RESF1: variants seen among roughly 807,000 people sequenced by gnomAD.
RESF1 encodes gonad expressed transcript.
A neutral mutation model predicts 134.7 loss-of-function variants in RESF1; 65 were observed. The observed-to-expected ratio is 0.48, with a 90% CI of 0.40 to 0.59. The LOEUF (loss-of-function observed/expected upper bound fraction) is 0.59, where lower values mean the gene tolerates loss of function less well. RESF1 is among the 20% of genes least tolerant of loss of function. The pLI is 0.00. For missense variants in RESF1, 2,274 were observed against 2,002.7 expected, an observed-to-expected ratio of 1.14 and a Z score of -2.59; for synonymous variants, 762 against 702.2, an observed-to-expected ratio of 1.09 and a Z score of -1.35.
intron 3 of RESF1, among the ~76,000 whole-genome samples, chr12:31,972,601 G>A (rs557796372): frequency 1.3e-4 from 12 of 90,488 alleles, no homozygotes; most frequent in Non-Finnish European, 1.5e-4. Flanking sequence ...GTGAGACTCC[G>A]TCTCAAAAAA....
rs1939249773 is a variant in RESF1, at chr12:31,960,879, T to C, written c.-247+8T>C. The C allele has an allele frequency of 6.6e-6, 1 of 152,224 alleles. No homozygotes were observed. Among genetic ancestry groups the C allele is most frequent in the South Asian group, 2.1e-4 (1 of 4,836 alleles). 9.4% of individuals were successfully genotyped at this position (152,224 alleles called of 1,614,324 possible). A position where few individuals can be genotyped will look rare whatever the true frequency, so the allele number is the denominator to read the frequency against. The stretch of plus-strand genomic sequence containing the variant: ...GTAAAGTTGTGCTCAACGGTAAGTG[T>C]ATCACCTCTAAGAAACCCGCCCTGA... On this transcript the variant is annotated splice_region_variant and intron_variant, in intron 2 of 5. Coordinates refer to ENST00000312561, the MANE Select transcript of RESF1 (RefSeq NM_018169.4).
intron 5 of RESF1, 100 bp downstream of exon 5, chr12:31,987,422 A>G (rs1389559192): frequency 1.8e-5 from 12 of 675,452 alleles, no homozygotes; most frequent in Non-Finnish European, 2.7e-5. Context: ...GATTTTATCC[A>G]TGTTCTTTTT....
At position 31,983,787 on chromosome 12, in the gene RESF1, T is replaced by C. The variant is rs761317600; in HGVS notation, c.2832T>C (p.Asp944=). Residue 944 remains aspartate (D), a synonymous_variant, in exon 4 of 6, where the codon GAT becomes GAC. Coordinates refer to ENST00000312561, the MANE Select transcript of RESF1 (RefSeq NM_018169.4). ...GCAGAGAACCAGAAAAACAATTAGATAATACCACTGAAAATAAAGACTTTG... is the reference window on the plus strand; with the variant it reads ...GCAGAGAACCAGAAAAACAATTAGACAATACCACTGAAAATAAAGACTTTG... ...IGSREPEKQL[D]NTTENKDFGF... 5.6e-6 allele frequency: 9 copies of C among 1,613,038 alleles called. No individual in the cohort carries two copies. The highest frequency in any genetic ancestry group is 1.7e-5 in the Admixed American group (1 of 59,872).
intron 4 of RESF1, 136 bp from the exon 5 acceptor site, chr12:31,987,103 T>G: frequency 3.5e-6 from 2 of 578,006 alleles, no homozygotes; most frequent in Non-Finnish European, 6.2e-6. Flanking sequence ...CCAGTCCTTT[T>G]TTTAGAGTTG....
rs546008373 is a variant in RESF1, at chr12:31,985,600, T to C, written c.4645T>C (p.Trp1549Arg). The stretch of plus-strand genomic sequence containing the variant: ...TGGTGGGAAGCAGCCTGATAAAATA[T>C]GGATTGATAAGACTAAATTAGACAA... ...KVGGKQPDKI[W>R]IDKTKLDKLT... Residue 1549 changes from tryptophan to arginine, a missense_variant, in exon 4 of 6, where the codon TGG becomes CGG. Physicochemically the swap from Trp to Arg is moderately radical, Grantham distance 101. Transcript: ENST00000312561. The C allele has an allele frequency of 3.1e-6, 5 of 1,602,410 alleles. No individual in the cohort carries two copies. The highest frequency in any genetic ancestry group is 3.4e-6 in the Non-Finnish European group (4 of 1,177,226).
chr12:31,973,879 A>G (rs891427462), intron 3 of RESF1, among the ~76,000 whole-genome samples: 12 of 152,078 alleles, frequency 7.9e-5, no homozygotes, highest in African/African-American at 2.9e-4. Flanking sequence ...GGTGTCCTAC[A>G]ATTCAATTAC....
In RESF1 at chr12:31,983,163, A is replaced by T. The variant is rs769274490; in HGVS notation, c.2208A>T (p.Thr736=). 4 of 1,611,546 alleles carry T rather than the reference A, an allele frequency of 2.5e-6. No homozygotes were observed. The Admixed American group carries it at 6.7e-5, about 27-fold the overall frequency. Residue 736 remains threonine, a synonymous_variant, in exon 4 of 6, where the codon ACA becomes ACT. Coordinates refer to ENST00000312561, the MANE Select transcript of RESF1 (RefSeq NM_018169.4). ...QNKISNPSQQ[T]ALSMVMHNYE... ...AAATAAGTAATCCCTCACAGCAGAC[A>T]GCTTTGTCGATGGTAATGCACAATT...
At position 31,985,544 on chromosome 12, in the gene RESF1, A is replaced by G; in HGVS notation, c.4589A>G (p.Tyr1530Cys). 1 of 1,598,264 alleles carries G rather than the reference A, an allele frequency of 6.3e-7. No homozygotes were observed. The highest frequency in any genetic ancestry group is 8.5e-7 in the Non-Finnish European group (1 of 1,175,528). The stretch of plus-strand genomic sequence containing the variant: ...CACCATTCTCAGGAGTCTAAAACAT[A>G]CAACATTCTAAGGAATGTTAAAGAA... Reference protein sequence around the residue: ...KIHHSQESKTYNILRNVKEKV... With the variant: ...KIHHSQESKTCNILRNVKEKV... The change falls in exon 4 of 6, where the codon TAC (tyrosine) becomes TGC (cysteine). Residue 1530 changes from tyrosine (Y) to cysteine (C), a missense_variant. Physicochemically the swap from Tyr to Cys is radical, Grantham distance 194 (BLOSUM62 -2). Transcript: ENST00000312561.
chr12:31,981,392 TACCCAATATGC>T lies in RESF1; in HGVS notation c.438_448del (p.Pro147GlyfsTer22). 1 of 1,614,056 alleles carries T rather than the reference TACCCAATATGC, an allele frequency of 6.2e-7. No homozygotes were observed. Among genetic ancestry groups the T allele is most frequent in the Non-Finnish European group, 8.5e-7 (1 of 1,179,934 alleles). On this transcript the variant is annotated frameshift_variant, in exon 4 of 6. Coordinates refer to ENST00000312561, the MANE Select transcript of RESF1 (RefSeq NM_018169.4). LOFTEE classifies it high-confidence loss of function. Reference sequence around the variant, plus strand: ...CATCAAACTGATTTTGGAGCTAACGTACCCAATATGCCGGCACTACAGAGTCAACTGATAAC... The same window carrying T: ...CATCAAACTGATTTTGGAGCTAACGTCGGCACTACAGAGTCAACTGATAAC...
chr12:31,968,784 T>C (rs1217170421), intron 2 of RESF1, among the ~76,000 whole-genome samples: 1 of 152,208 alleles, frequency 6.6e-6, no homozygotes, highest in Non-Finnish European at 1.5e-5. Context: ...AGATAATGTT[T>C]GTTTATTCAG....
Position 31,982,460 on chromosome 12 carries a change from C to T in RESF1, c.1505C>T (p.Ser502Phe). 2 of 1,613,810 alleles carry T rather than the reference C, an allele frequency of 1.2e-6. No individual in the cohort carries two copies. The highest frequency in any genetic ancestry group is 1.1e-5 in the South Asian group (1 of 91,076). The change falls in exon 4 of 6, where the codon TCT (serine) becomes TTT (phenylalanine). Residue 502 changes from serine (S) to phenylalanine (F), a missense_variant. Transcript: ENST00000312561. ...VNCRRFNQVD[S>F]VLPNPVYSEK... ...TGCAGAAGGTTTAACCAAGTTGATT[C>T]TGTTTTACCAAATCCTGTCTATTCT...
Position 31,984,599 on chromosome 12 carries a change from G to A in RESF1, c.3644G>A (p.Cys1215Tyr). The A allele has an allele frequency of 6.3e-7, 1 of 1,579,288 alleles. No homozygotes were observed. ...TGTTCTCCTTTGGATACCAACAGTTGTAAACAAGGAGAGAGAACTTCTGAT... is the reference window on the plus strand; with the variant it reads ...TGTTCTCCTTTGGATACCAACAGTTATAAACAAGGAGAGAGAACTTCTGAT... ...EQCSPLDTNSCKQGERTSDRD... is the reference protein window; with the variant it reads ...EQCSPLDTNSYKQGERTSDRD... Residue 1215 changes from cysteine (C) to tyrosine (Y), a missense_variant, in exon 4 of 6, where the codon TGT becomes TAT. Coordinates refer to ENST00000312561, the MANE Select transcript of RESF1 (RefSeq NM_018169.4).
intron 2 of RESF1, among the ~76,000 whole-genome samples, chr12:31,967,869 A>AT (rs1402939285): frequency 6.6e-6 from 1 of 152,208 alleles, no homozygotes; most frequent in Non-Finnish European, 1.5e-5. Context: ...AGTCAAAATT[A>AT]TTAAGTCATA....
intron 2 of RESF1, among the ~76,000 whole-genome samples, chr12:31,963,293 T>C: frequency 6.7e-6 from 1 of 149,806 alleles, no homozygotes; most frequent in East Asian, 2.0e-4. Context: ...TGCAGTGAGC[T>C]GAGATCACAC....
chr12:31,990,719 G>C (rs542958719), intron 5 of RESF1, among the ~76,000 whole-genome samples: 1 of 152,182 alleles, frequency 6.6e-6, no homozygotes, highest in East Asian at 1.9e-4. Flanking sequence ...GATTACAGGT[G>C]TGAGCCACTG....
chr12:31,960,834 A>C lies in RESF1; in HGVS notation c.-284A>C, dbSNP rs1471728440. The stretch of plus-strand genomic sequence containing the variant: ...CTGACGTGTTTGGAGGGAAATGGGA[A>C]TGTACACGATAATTAAAGAGTAAAG... On this transcript the variant is annotated 5_prime_UTR_variant, in exon 2 of 6. An upstream start codon of the reference 5' UTR is lost. Transcript: ENST00000312561. 6.6e-6 allele frequency: 1 copy of C among 152,220 alleles called. No individual in the cohort carries two copies. Among genetic ancestry groups the C allele is most frequent in the East Asian group, 1.9e-4 (1 of 5,206 alleles). 9.4% of individuals were successfully genotyped at this position (152,220 alleles called of 1,614,324 possible).
chr12:31,967,831 T>G (rs1274225695), intron 2 of RESF1, among the ~76,000 whole-genome samples: 1 of 152,188 alleles, frequency 6.6e-6, no homozygotes, highest in East Asian at 1.9e-4. Flanking sequence ...TTCTGCTGAA[T>G]GCCTGTATCA....
At chr12:31,969,512 T>A (rs1423102646) in intron 2 of RESF1, among the ~76,000 whole-genome samples, 1 of 152,124 alleles carries the variant, frequency 6.6e-6, no homozygotes, top group East Asian at 1.9e-4. Flanking sequence ...TCAAAAAAAA[T>A]AAACCAAAAT....
intron 4 of RESF1, 32 bp downstream of exon 4, chr12:31,985,989 A>T (rs772946558): frequency 7.0e-7 from 1 of 1,424,132 alleles, no homozygotes; most frequent in Non-Finnish European, 9.3e-7. Context: ...GGTGTCTACA[A>T]TATTGTAAAG....
Sources: gnomAD v4.1 joint callset for allele counts (sites outside exome capture counted in the v4.1 genomes callset) on GRCh38, gnomAD v4.1.1 for gene constraint, MANE v1.5 for transcripts, NCBI Gene and HGNC (gene_info 2026-07-23, HGNC 2026-07-21) for gene names.